Variants in MITF observed in about 807,000 individuals in gnomAD.
The protein encoded by MITF is microphthalmia-associated transcription factor.
MITF carries 17 observed loss-of-function variants against 60.5 expected under a neutral mutation model. The observed-to-expected ratio is 0.28, with a 90% CI of 0.19 to 0.42. The LOEUF (loss-of-function observed/expected upper bound fraction) is 0.42, where lower values mean the gene tolerates loss of function less well. MITF is among the 10% of genes least tolerant of loss of function. The probability of loss-of-function intolerance (pLI) is 1.00; values close to 1 mark genes in which losing one functional copy is unlikely to be tolerated. For missense variants in MITF, 622 were observed against 683.5 expected (o/e 0.91, Z 1.00); for synonymous variants, 260 against 248.5 (o/e 1.05, Z -0.43).
At chr3:69,936,171 C>A (rs2065829444) in intron 2 of MITF, among the ~76,000 whole-genome samples, 1 of 152,168 alleles carries the variant, frequency 6.6e-6, no homozygotes, top group Admixed American at 6.5e-5. Context: ...CACAGAGTCT[C>A]TTCTCTTCTA....
chr3:69,889,512 C>T (rs1453086875), intron 2 of MITF, among the ~76,000 whole-genome samples: 2 of 150,096 alleles, frequency 1.3e-5, no homozygotes, highest in African/African-American at 4.9e-5. Flanking sequence ...AATAGTGAAA[C>T]TAATTTTAAT....
rs2066704931 is a variant in MITF at position 69,967,006 on chromosome 3, G to A, written c.*1758G>A. The A allele has an allele frequency of 4.3e-6, 1 of 231,866 alleles. No individual in the cohort carries two copies. Among genetic ancestry groups the A allele is most frequent in the Non-Finnish European group, 8.5e-6 (1 of 117,016 alleles). The allele number at this position is 231,866 out of a possible 1,614,324, so 14.4% of individuals were successfully genotyped here. A position where few individuals can be genotyped will look rare whatever the true frequency, so the allele number is the denominator to read the frequency against. On this transcript the variant is annotated 3_prime_UTR_variant, in exon 10 of 10. Coordinates refer to ENST00000352241, the MANE Select transcript of MITF (RefSeq NM_001354604.2). Reference sequence around the variant, plus strand: ...TATTTTTAATATTAAATATATTTTAGTGACAGAGTGCCAACTTCTTTCATC... The same window carrying A: ...TATTTTTAATATTAAATATATTTTAATGACAGAGTGCCAACTTCTTTCATC...
intron 2 of MITF, among the ~76,000 whole-genome samples, chr3:69,916,156 A>G (rs2065329535): frequency 6.6e-6 from 1 of 152,206 alleles, no homozygotes; most frequent in African/African-American, 2.4e-5. Context: ...TTGTGCAATC[A>G]TAGATTTTAT....
intron 1 of MITF, among the ~76,000 whole-genome samples, chr3:69,771,988 G>A (rs1274855146): frequency 2.0e-5 from 3 of 152,184 alleles, no homozygotes; most frequent in East Asian, 3.8e-4. Flanking sequence ...TTTGGAGATC[G>A]TTGGTTTTTA....
chr3:69,932,138 T>G (rs750815545), intron 2 of MITF, among the ~76,000 whole-genome samples: 6 of 152,212 alleles, frequency 3.9e-5, no homozygotes, highest in African/African-American at 7.2e-5. Flanking sequence ...AATTCTAGTT[T>G]GGTGAAACTT....
chr3:69,801,293 A>G (rs1012944195), intron 1 of MITF, among the ~76,000 whole-genome samples: 4 of 152,152 alleles, frequency 2.6e-5, no homozygotes. Flanking sequence ...CATTAGATGT[A>G]ATTTAGTACT....
chr3:69,854,090 C>T (rs1303817368), intron 1 of MITF, among the ~76,000 whole-genome samples: 2 of 152,192 alleles, frequency 1.3e-5, no homozygotes, highest in East Asian at 1.9e-4. Flanking sequence ...CCTCGTGATC[C>T]TCCCGCCTCA....
intron 2 of MITF, among the ~76,000 whole-genome samples, chr3:69,892,419 A>G (rs2064780371): frequency 6.6e-6 from 1 of 152,192 alleles, no homozygotes; most frequent in South Asian, 2.1e-4. Context: ...GCAGTCAGGG[A>G]ACCTAGATTG....
rs145325518 is a variant in MITF, at chr3:69,965,079, A to G, written c.1412A>G (p.Tyr471Cys). ...ACTGGGACTGAGGCCAACCAAGCCTATAGTGTCCCCACAAAAATGGGATCC... is the reference window on the plus strand; with the variant it reads ...ACTGGGACTGAGGCCAACCAAGCCTGTAGTGTCCCCACAAAAATGGGATCC... Reference protein sequence around the residue: ...LGTGTEANQAYSVPTKMGSKL... With the variant: ...LGTGTEANQACSVPTKMGSKL... Residue 471 changes from tyrosine (Y) to cysteine (C), a missense_variant, in exon 10 of 10, where the codon TAT becomes TGT. By Grantham distance (194) the Tyr-to-Cys change is radical. This residue lies in a region of MITF where 224 missense variants were observed against 209.5 expected (regional missense o/e 1.07). Transcript: ENST00000352241. 5.6e-6 allele frequency: 9 copies of G among 1,614,022 alleles called. No individual in the cohort carries two copies. The highest frequency in any genetic ancestry group is 1.3e-5 in the African/African-American group (1 of 74,924).
At position 69,884,524 on chromosome 3, in the gene MITF, T is replaced by C. The variant is rs561896040; in HGVS notation, c.354+5141T>C. ...CCCTGTGTCTTGAGAGCAGTTTAATTGGTTCAATGTGTAAGTATGTACCAG... is the reference window on the plus strand; with the variant it reads ...CCCTGTGTCTTGAGAGCAGTTTAATCGGTTCAATGTGTAAGTATGTACCAG... On this transcript the variant is annotated intron_variant, in intron 2 of 9. Coordinates refer to ENST00000352241, the MANE Select transcript of MITF (RefSeq NM_001354604.2). Among the ~76,000 whole-genome samples, 7 of 152,252 alleles carry C rather than the reference T, an allele frequency of 4.6e-5. No homozygotes were observed. In the South Asian group the frequency reaches 1.5e-3, roughly 32 times the overall value.
intron 1 of MITF, among the ~76,000 whole-genome samples, chr3:69,782,715 C>G (rs1489829570): frequency 2.0e-5 from 3 of 152,156 alleles, no homozygotes; most frequent in Non-Finnish European, 2.9e-5. Context: ...TATTCTCTAC[C>G]TATACTTATT....
intron 1 of MITF, among the ~76,000 whole-genome samples, chr3:69,840,947 G>A (rs2063626445): frequency 1.3e-5 from 2 of 151,962 alleles, no homozygotes. Context: ...GTAGAGATGG[G>A]GGTTCACCAT....
intron 1 of MITF, among the ~76,000 whole-genome samples, chr3:69,838,936 T>A (rs1450114181): frequency 6.6e-6 from 1 of 152,218 alleles, no homozygotes; most frequent in Non-Finnish European, 1.5e-5. Context: ...CTGCAGCCCT[T>A]CATGAACCTT....
intron 4 of MITF, 49 bp from the exon 5 acceptor site, chr3:69,941,187 G>A (rs770946843): frequency 3.2e-6 from 4 of 1,241,850 alleles, no homozygotes; most frequent in Non-Finnish European, 1.2e-6. Flanking sequence ...AGGTTGTGTT[G>A]CATAGTTTAT....
rs1471222690 is a variant in MITF, at chr3:69,784,787, T to G, written c.104+45086T>G. Among the ~76,000 whole-genome samples the G allele has an allele frequency of 3.3e-5, 5 of 152,158 alleles. No individual in the cohort carries two copies. The East Asian group carries it at 9.6e-4, about 29-fold the overall frequency. ...GCCAGGCAATGAATTTAGAGGCAGA[T>G]TCTTCTTTATAAAGGACTTCTTAAA... On this transcript the variant is annotated intron_variant, in intron 1 of 9. Coordinates refer to ENST00000352241, the MANE Select transcript of MITF (RefSeq NM_001354604.2).
chr3:69,948,417 T>C (rs2066153323), intron 5 of MITF, among the ~76,000 whole-genome samples: 1 of 151,984 alleles, frequency 6.6e-6, no homozygotes, highest in South Asian at 2.1e-4. Flanking sequence ...TTTTTTATTA[T>C]TATTCTCTTG....
chr3:69,782,036 TAGACTCC>T (rs2062573830), intron 1 of MITF, among the ~76,000 whole-genome samples: 1 of 152,212 alleles, frequency 6.6e-6, no homozygotes, highest in African/African-American at 2.4e-5. Context: ...AGGTAGTTGA[TAGACTCC>T]AGACAGGTTT....
At chr3:69,899,316 A>G (rs1429173322) in intron 2 of MITF, among the ~76,000 whole-genome samples, 1 of 152,212 alleles carries the variant, frequency 6.6e-6, no homozygotes, top group Non-Finnish European at 1.5e-5. Context: ...ATTGTGCACT[A>G]CAAGGCTAAA....
In MITF at chr3:69,860,463, T is replaced by C. The variant is rs570581134; in HGVS notation, c.105-18671T>C. On this transcript the variant is annotated intron_variant, in intron 1 of 9. Transcript: ENST00000352241. Reference sequence around the variant, plus strand: ...TACAAAAAAAATTAGCCGGGCGCAGTGGCGGGCGCCTGTAGTCCCAGCTAT... The same window carrying C: ...TACAAAAAAAATTAGCCGGGCGCAGCGGCGGGCGCCTGTAGTCCCAGCTAT... Among the ~76,000 whole-genome samples, 1,345 of 152,040 alleles carry C rather than the reference T, an allele frequency of 8.8e-3. 18 individuals carry two copies. Among genetic ancestry groups the C allele is most frequent in the African/African-American group, 0.029 (1,224 of 41,556 alleles).
Sources: gnomAD v4.1 joint callset for allele counts (sites outside exome capture counted in the v4.1 genomes callset) on GRCh38, gnomAD v4.1.1 for gene constraint, gnomAD v4.1.1 regional missense constraint, MANE v1.5 for transcripts, NCBI Gene and HGNC (gene_info 2026-07-23, HGNC 2026-07-21) for gene names.